Variants in MACF1 observed in about 807,000 individuals in gnomAD.
MACF1 encodes microtubule-actin cross-linking factor 1.
MACF1 carries 193 observed loss-of-function variants against 854.8 expected under a neutral mutation model. That is an observed-to-expected ratio of 0.23 (90% CI 0.20 to 0.25). The LOEUF (loss-of-function observed/expected upper bound fraction) is 0.25. Among genes scored for constraint, MACF1 ranks in the 10% least tolerant of loss-of-function variants. The pLI, the probability that MACF1 is intolerant of heterozygous loss-of-function variation, is 1.00. For missense variants in MACF1, 7,722 were observed against 8,929.1 expected, an observed-to-expected ratio of 0.86 and a Z score of 5.45; for synonymous variants, 3,185 against 3,226.7, an observed-to-expected ratio of 0.99 and a Z score of 0.44.
intron 2 of MACF1, among the ~76,000 whole-genome samples, chr1:39,154,498 C>T (rs1374722433): frequency 2.0e-5 from 3 of 151,810 alleles, no homozygotes; most frequent in African/African-American, 7.3e-5. Flanking sequence ...GGGAGGGGGA[C>T]CTTTGTTTTT....
rs1454364528 is a variant in MACF1, at chr1:39,292,818, T to A, written c.1967T>A (p.Leu656Gln). The A allele has an allele frequency of 6.2e-7, 1 of 1,613,242 alleles. No individual in the cohort carries two copies. The change falls in exon 17 of 101, where the codon CTG becomes CAG. Residue 656 changes from leucine to glutamine, a missense_variant. Leu to Gln is a moderately radical substitution (Grantham distance 113). Transcript: ENST00000564288. ...HTSYAETLGK[L>Q]ETQYCKLKET... The stretch of plus-strand genomic sequence containing the variant: ...AGCTATGCTGAAACTCTTGGAAAGC[T>A]GGAGACACAGTATTGTAAATTGAAG...
chr1:39,422,556 A>G, intron 59 of MACF1, 21 bp downstream of exon 59: 1 of 1,596,064 alleles, frequency 6.3e-7, no homozygotes, highest in Non-Finnish European at 8.6e-7. Context: ...ATGGGGTAGC[A>G]AGTGTACTGG....
chr1:39,366,246 T>C (rs1194253422), intron 49 of MACF1, among the ~76,000 whole-genome samples: 1 of 152,218 alleles, frequency 6.6e-6, no homozygotes, highest in Non-Finnish European at 1.5e-5. Flanking sequence ...TATACATACA[T>C]AAGCAAATAC....
chr1:39,105,136 G>A lies in MACF1; in HGVS notation c.220+20698G>A, dbSNP rs1309289512. On this transcript the variant is annotated intron_variant, in intron 2 of 93. Coordinates refer to the MACF1 transcript ENST00000361689. This position sits in a 1 kb window ranked among gnomAD's most constrained non-coding sequence, Gnocchi z 5.9. ...ACCCAGCGGGACTCCCGCGTGGGCCGGCCTCTCGCGCCCCTCGGCTCGGGC... is the reference window on the plus strand; with the variant it reads ...ACCCAGCGGGACTCCCGCGTGGGCCAGCCTCTCGCGCCCCTCGGCTCGGGC... Among the ~76,000 whole-genome samples the A allele has an allele frequency of 6.6e-6, 1 of 151,978 alleles. No homozygotes were observed. Among genetic ancestry groups the A allele is most frequent in the Non-Finnish European group, 1.5e-5 (1 of 67,942 alleles).
chr1:39,427,528 T>G lies in MACF1; in HGVS notation c.16390T>G (p.Leu5464Val). The change falls in exon 62 of 101, where the codon TTA (leucine) becomes GTA (valine). Residue 5464 changes from leucine to valine, a missense_variant. By Grantham distance (32) the Leu-to-Val change is conservative (BLOSUM62 1). This residue lies in a region of MACF1 where 2,807 missense variants were observed against 3,235.8 expected (regional missense o/e 0.87). Coordinates refer to ENST00000564288, the MANE Select transcript of MACF1 (RefSeq NM_001394062.1). Reference protein sequence around the residue: ...HETAEPISDFLSVTEKKLANS... With the variant: ...HETAEPISDFVSVTEKKLANS... ...GACAGCTGAGCCTATTTCTGACTTCTTATCTGTCACAGAGAAAAAGCTTGC... is the reference window on the plus strand; with the variant it reads ...GACAGCTGAGCCTATTTCTGACTTCGTATCTGTCACAGAGAAAAAGCTTGC... 2 of 1,614,172 alleles carry G rather than the reference T, an allele frequency of 1.2e-6. No individual in the cohort carries two copies. The highest frequency in any genetic ancestry group is 8.5e-7 in the Non-Finnish European group (1 of 1,180,006).
intron 2 of MACF1, among the ~76,000 whole-genome samples, chr1:39,237,171 T>C (rs1377906700): frequency 6.6e-6 from 1 of 152,224 alleles, no homozygotes; most frequent in African/African-American, 2.4e-5. Flanking sequence ...CTTGCTTATT[T>C]ATTTCTCTCC....
chr1:39,422,816 G>A lies in MACF1; in HGVS notation c.16065G>A (p.Leu5355=). ...QDALEPLLSW[L]ADTEELIANQ... Reference sequence around the variant, plus strand: ...CCTTGGAGCCATTGCTCAGCTGGTTGGCAGATACCGAGGAGCTCATAGCCA... The same window carrying A: ...CCTTGGAGCCATTGCTCAGCTGGTTAGCAGATACCGAGGAGCTCATAGCCA... Residue 5355 remains leucine, a synonymous_variant, in exon 60 of 101, where the codon TTG becomes TTA. Transcript: ENST00000564288. 6.2e-7 allele frequency: 1 copy of A among 1,614,166 alleles called. No individual in the cohort carries two copies. The highest frequency in any genetic ancestry group is 8.5e-7 in the Non-Finnish European group (1 of 1,180,016).
At chr1:39,104,871 G>C (rs920572065) in intron 2 of MACF1, among the ~76,000 whole-genome samples, 3 of 152,196 alleles carry the variant, frequency 2.0e-5, no homozygotes, top group Non-Finnish European at 4.4e-5. Context: ...GTCTAGCCCT[G>C]GGATCTGAGG....
chr1:39,310,815 G>T lies in MACF1; in HGVS notation c.3101-16G>T. 2.5e-6 allele frequency: 4 copies of T among 1,597,406 alleles called. No individual in the cohort carries two copies. The highest frequency in any genetic ancestry group is 3.4e-6 in the Non-Finnish European group (4 of 1,171,548). ...GATGTCGAGCTTACTGGTCTTTTGT[G>T]TTTGTTCATTCACAGAGGACAAAGA... On this transcript the variant is annotated splice_polypyrimidine_tract_variant and intron_variant, in intron 25 of 100. Transcript: ENST00000564288.
At chr1:39,159,249 G>A (rs1643750624) in intron 2 of MACF1, among the ~76,000 whole-genome samples, 2 of 152,222 alleles carry the variant, frequency 1.3e-5, no homozygotes, top group African/African-American at 2.4e-5. Flanking sequence ...TTGCTTGAAC[G>A]GACAAGTAAG....
intron 2 of MACF1, among the ~76,000 whole-genome samples, chr1:39,193,953 C>G (rs987408208): frequency 1.3e-5 from 2 of 151,874 alleles, no homozygotes; most frequent in African/African-American, 4.8e-5. Flanking sequence ...AGGCAATTCT[C>G]TTGCCTCAGC....
chr1:39,247,221 C>T (rs983526792), intron 2 of MACF1, among the ~76,000 whole-genome samples: 4 of 149,384 alleles, frequency 2.7e-5, no homozygotes, highest in African/African-American at 5.0e-5. Flanking sequence ...TACAGGCGCG[C>T]GCCACCATGC....
At chr1:39,181,948 C>T (rs112824904) in intron 2 of MACF1, among the ~76,000 whole-genome samples, 24,318 of 151,994 alleles carry the variant, frequency 0.16, 2,418 homozygotes, top group Middle Eastern at 0.22. Context: ...ATCAGGAGTT[C>T]GAGACCAGCC....
intron 58 of MACF1, among the ~76,000 whole-genome samples, chr1:39,420,438 T>G (rs912958997): frequency 4.6e-5 from 7 of 152,246 alleles, no homozygotes; most frequent in Admixed American, 1.3e-4. Context: ...TAGCAGTTGT[T>G]TTTTCTGGGA....
At position 39,315,613 on chromosome 1, in the gene MACF1, C is replaced by G. The variant is rs748277879; in HGVS notation, c.3371C>G (p.Pro1124Arg). 1 of 1,613,974 alleles carries G rather than the reference C, an allele frequency of 6.2e-7. No individual in the cohort carries two copies. The highest frequency in any genetic ancestry group is 1.3e-5 in the African/African-American group (1 of 74,926). ...CAGTCTCCATCTAGTTCAAGTGTCC[C>G]AACTCTGCGCTCAGAACTGAATCTG... ...LHQSPSSSSV[P>R]TLRSELNLLV... Residue 1124 changes from proline (P) to arginine (R), a missense_variant, in exon 27 of 101, where the codon CCA becomes CGA. Pro to Arg is a moderately radical substitution (Grantham distance 103, BLOSUM62 -2). Transcript: ENST00000564288.
chr1:39,459,805 G>T (rs926433906), intron 91 of MACF1: 24 of 1,300,488 alleles, frequency 1.8e-5, no homozygotes, highest in Non-Finnish European at 2.4e-5. Context: ...TTTTTTATTT[G>T]TGCATATCAA....
chr1:39,138,533 A>C (rs1313857407), intron 2 of MACF1, among the ~76,000 whole-genome samples: 1 of 150,504 alleles, frequency 6.6e-6, no homozygotes, highest in Non-Finnish European at 1.5e-5. Flanking sequence ...TGCAGTGAGC[A>C]GAGATCGCGC....
chr1:39,085,237 G>A (rs1641642451), intron 2 of MACF1, among the ~76,000 whole-genome samples: 1 of 152,226 alleles, frequency 6.6e-6, no homozygotes, highest in Non-Finnish European at 1.5e-5. Context: ...TGCCTTGAAG[G>A]TTAGATGAAA....
Position 39,331,625 on chromosome 1 carries a change from C to T in MACF1, c.5037C>T (p.Gly1679=), listed in dbSNP as rs767828113. 6.2e-7 allele frequency: 1 copy of T among 1,614,166 alleles called. No homozygotes were observed. The highest frequency in any genetic ancestry group is 2.2e-5 in the East Asian group (1 of 44,886). Residue 1679 remains glycine (G), a synonymous_variant, in exon 37 of 101, where the codon GGC becomes GGT. Transcript: ENST00000564288. ...CINLEEAFHQ[G]LISAWLHSVL... is the part of the protein sequence containing the mutation. ...ACCTGGAAGAGGCTTTTCATCAAGG[C>T]CTCATTTCTGCATGGCTTCATTCAG...
Sources: allele counts gnomAD v4.1 joint callset (sites outside exome capture counted in the v4.1 genomes callset), GRCh38; gene constraint gnomAD v4.1.1; regional missense constraint gnomAD v4.1.1; non-coding constraint Gnocchi (gnomAD v3.1); transcripts MANE v1.5; gene names NCBI Gene and HGNC (gene_info 2026-07-23, HGNC 2026-07-21).